Variants in NIPSNAP2 observed in about 807,000 individuals in gnomAD.
The protein encoded by NIPSNAP2 is protein NipSnap homolog 2.
NIPSNAP2 carries 42 observed loss-of-function variants against 48.4 expected under a neutral mutation model. That is an observed-to-expected ratio of 0.87 (90% CI 0.68 to 1.12). The LOEUF is 1.12. NIPSNAP2 is among the 50% of genes most tolerant of loss of function. NIPSNAP2 has a pLI of 0.00. For missense variants in NIPSNAP2, 314 were observed against 347.3 expected, an observed-to-expected ratio of 0.90 and a Z score of 0.76; for synonymous variants, 158 against 126.6, an observed-to-expected ratio of 1.25 and a Z score of -1.67.
chr7:55,976,432 A>G (rs1787108803), intron 1 of NIPSNAP2, among the ~76,000 whole-genome samples: 2 of 152,246 alleles, frequency 1.3e-5, no homozygotes, highest in African/African-American at 4.8e-5. Context: ...ACCTGTCTAA[A>G]TATAGCTGGC....
chr7:55,990,374 A>G (rs768717939), intron 7 of NIPSNAP2, among the ~76,000 whole-genome samples: 15 of 151,816 alleles, frequency 9.9e-5, no homozygotes, highest in South Asian at 8.3e-4. Context: ...GACTACAGGC[A>G]CCAGCCATCA....
At chr7:55,967,351 G>A (rs572849891) in intron 1 of NIPSNAP2, among the ~76,000 whole-genome samples, 94 of 152,312 alleles carry the variant, frequency 6.2e-4, no homozygotes, top group African/African-American at 1.9e-3. Context: ...TCTGCCTCTA[G>A]TATGTCTTGA....
intron 1 of NIPSNAP2, among the ~76,000 whole-genome samples, chr7:55,974,647 G>A (rs549944293): frequency 6.6e-6 from 1 of 152,040 alleles, no homozygotes; most frequent in South Asian, 2.1e-4. Flanking sequence ...AGGAGATCGA[G>A]ACCATCCTGG....
At chr7:55,975,700 A>G (rs1787094610) in intron 1 of NIPSNAP2, among the ~76,000 whole-genome samples, 1 of 152,178 alleles carries the variant, frequency 6.6e-6, no homozygotes, top group South Asian at 2.1e-4. Context: ...AAAAACCAAG[A>G]AGATGAGGGA....
rs531409937 is a variant in NIPSNAP2 at position 55,982,677 on chromosome 7, G to A, written c.444+397G>A. Among the ~76,000 whole-genome samples the A allele has an allele frequency of 2.3e-4, 34 of 150,540 alleles. No homozygotes were observed. In the East Asian group the frequency reaches 5.8e-3, roughly 26 times the overall value. On this transcript the variant is annotated intron_variant, in intron 5 of 9. Coordinates refer to ENST00000322090, the MANE Select transcript of NIPSNAP2 (RefSeq NM_001483.3). The stretch of plus-strand genomic sequence containing the variant: ...TGAAGCAGGAGAATGGCGTGAACCC[G>A]GGAGGTGGAGCTTGCAGTGAGCTGA...
At chr7:55,990,874 G>A (rs1370370221) in intron 7 of NIPSNAP2, among the ~76,000 whole-genome samples, 1 of 148,892 alleles carries the variant, frequency 6.7e-6, no homozygotes, top group African/African-American at 2.5e-5. Flanking sequence ...TCCAATCTCT[G>A]CCTCCTGGGT....
chr7:55,972,088 C>A (rs1484006996), intron 1 of NIPSNAP2, among the ~76,000 whole-genome samples: 1 of 152,000 alleles, frequency 6.6e-6, no homozygotes, highest in East Asian at 1.9e-4. Flanking sequence ...GGTGGATCAC[C>A]TGAGGTCAGG....
chr7:55,979,195 G>T (rs1787162606), intron 3 of NIPSNAP2: 1 of 152,212 alleles, frequency 6.6e-6, no homozygotes, highest in Non-Finnish European at 1.5e-5. Flanking sequence ...CAATAGCATT[G>T]AATTTCTTGC....
intron 7 of NIPSNAP2, among the ~76,000 whole-genome samples, chr7:55,988,666 C>G (rs1257730879): frequency 6.6e-6 from 1 of 152,090 alleles, no homozygotes; most frequent in Non-Finnish European, 1.5e-5. Flanking sequence ...CGAGACCGAC[C>G]TGGCCAACGT....
chr7:55,997,593 A>G (rs1275874610), intron 9 of NIPSNAP2, 144 bp downstream of exon 9: 8 of 592,444 alleles, frequency 1.4e-5, no homozygotes, highest in Non-Finnish European at 2.1e-5. Flanking sequence ...GGAGATAGTC[A>G]ATTTTTCTCT....
intron 9 of NIPSNAP2, 25 bp downstream of exon 9, chr7:55,997,474 A>G (rs756802675): frequency 1.3e-6 from 2 of 1,547,414 alleles, no homozygotes; most frequent in Admixed American, 1.7e-5. Context: ...GCCATGAAAT[A>G]TGCTTTTTGT....
At chr7:55,971,022 T>C (rs1006182776) in intron 1 of NIPSNAP2, among the ~76,000 whole-genome samples, 2 of 152,204 alleles carry the variant, frequency 1.3e-5, no homozygotes, top group Non-Finnish European at 2.9e-5. Flanking sequence ...TTTGTATCCA[T>C]AGAGCCCGGC....
Position 55,994,921 on chromosome 7 carries a change from T to C in NIPSNAP2, c.645T>C (p.Asp215=). ...YWARAIRFRQ[D]GNEAVGGFFS... ...CTCGTGCAATCCGCTTCAGACAGGATGGTAACGAAGCCGTCGGAGGATTCT... is the reference window on the plus strand; with the variant it reads ...CTCGTGCAATCCGCTTCAGACAGGACGGTAACGAAGCCGTCGGAGGATTCT... Residue 215 remains aspartate (D), a synonymous_variant, in exon 8 of 10, where the codon GAT becomes GAC. Transcript: ENST00000322090. 1 of 1,614,136 alleles carries C rather than the reference T, an allele frequency of 6.2e-7. No homozygotes were observed. Among genetic ancestry groups the C allele is most frequent in the Non-Finnish European group, 8.5e-7 (1 of 1,179,998 alleles).
At chr7:55,985,973 A>G (rs180925019) in intron 7 of NIPSNAP2, among the ~76,000 whole-genome samples, 106 of 151,880 alleles carry the variant, frequency 7.0e-4, no homozygotes, top group Middle Eastern at 3.4e-3. Flanking sequence ...GCTTGAACCC[A>G]GGAGGCAGAG....
At chr7:55,991,975 C>T (rs1240376615) in intron 7 of NIPSNAP2, 1 of 163,028 alleles carries the variant, frequency 6.1e-6, no homozygotes, top group Non-Finnish European at 1.4e-5. Context: ...TCAATGAAAG[C>T]CAGGTTTTTT....
intron 7 of NIPSNAP2, among the ~76,000 whole-genome samples, chr7:55,985,179 C>G (rs1261663871): frequency 6.6e-6 from 1 of 152,130 alleles, no homozygotes; most frequent in East Asian, 1.9e-4. Context: ...CTATTTCATT[C>G]ATAAATATTT....
chr7:55,981,333 A>C (rs1183906446), intron 3 of NIPSNAP2, 140 bp from the exon 4 acceptor site: 1 of 620,338 alleles, frequency 1.6e-6, no homozygotes. Flanking sequence ...TTAACTCCAC[A>C]TGCCGTTTTA....
At chr7:55,988,051 C>G (rs570414190) in intron 7 of NIPSNAP2, among the ~76,000 whole-genome samples, 3 of 152,018 alleles carry the variant, frequency 2.0e-5, no homozygotes, top group Non-Finnish European at 4.4e-5. Flanking sequence ...CACCTGAGAT[C>G]AGGAGTTTGA....
intron 1 of NIPSNAP2, 27 bp from the exon 2 acceptor site, chr7:55,978,099 C>T (rs749302083): frequency 1.8e-5 from 29 of 1,612,776 alleles, no homozygotes; most frequent in East Asian, 1.1e-4. Context: ...CAGTATACTG[C>T]GTGACAACAC....
Sources: allele counts gnomAD v4.1 joint callset (sites outside exome capture counted in the v4.1 genomes callset), GRCh38; gene constraint gnomAD v4.1.1; transcripts MANE v1.5; gene names NCBI Gene and HGNC (gene_info 2026-07-23, HGNC 2026-07-21).